The following SDCBP variants were observed in gnomAD, a reference collection of about 807,000 sequenced individuals.
SDCBP encodes syntenin-1.
In SDCBP, 22 loss-of-function variants were observed where a neutral mutation model predicts 30.5. That is an observed-to-expected ratio of 0.72 (90% CI 0.52 to 1.03). The LOEUF (loss-of-function observed/expected upper bound fraction) is 1.03. Among genes scored for constraint, SDCBP ranks in the 50% least tolerant of loss-of-function variants. The pLI is 0.00. For synonymous variants in SDCBP, 103 were observed against 118.7 expected (o/e 0.87, Z 0.86); for missense variants, 304 against 369.9 (o/e 0.82, Z 1.46).
At chr8:58,562,291 A>T (rs917850241) in intron 1 of SDCBP, among the ~76,000 whole-genome samples, 1 of 152,052 alleles carries the variant, frequency 6.6e-6, no homozygotes, top group Admixed American at 6.5e-5. Context: ...TTTATAAGAG[A>T]CTCACTTCAG....
In SDCBP at chr8:58,570,736, T is replaced by C; in HGVS notation, c.52-151T>C. On this transcript the variant is annotated intron_variant, in intron 2 of 8. Transcript: ENST00000260130. The stretch of plus-strand genomic sequence containing the variant: ...TGATTTGCAGATTTCCTTTGGAAAA[T>C]GTATTGCTGATGTGTTTGAAATTAA... 5.3e-6 allele frequency: 3 copies of C among 562,968 alleles called. No homozygotes were observed. The South Asian group carries it at 8.1e-5, about 15-fold the overall frequency. 34.9% of individuals were successfully genotyped at this position (562,968 alleles called of 1,614,324 possible).
intron 1 of SDCBP, chr8:58,561,469 GAAC>G (rs1804440112): frequency 4.0e-6 from 1 of 248,572 alleles, no homozygotes; most frequent in Non-Finnish European, 7.7e-6. Flanking sequence ...AGCAGGATAA[GAAC>G]AACTTGTCAT....
intron 1 of SDCBP, among the ~76,000 whole-genome samples, chr8:58,554,490 A>T (rs944156003): frequency 6.6e-6 from 1 of 152,232 alleles, no homozygotes; most frequent in Non-Finnish European, 1.5e-5. Context: ...GCACAGAATA[A>T]AAAGAAGTAG....
At chr8:58,572,389 G>T in intron 4 of SDCBP, 75 bp downstream of exon 4, 3 of 985,946 alleles carry the variant, frequency 3.0e-6, no homozygotes, top group Non-Finnish European at 4.8e-6. Flanking sequence ...CCTCTTTGTG[G>T]CTAACTCACA....
intron 2 of SDCBP, 121 bp downstream of exon 2, chr8:58,565,205 C>A: frequency 2.3e-6 from 1 of 443,716 alleles, no homozygotes; most frequent in Non-Finnish European, 4.0e-6. Context: ...CTTCATAAAC[C>A]TTTTTTTAGT....
chr8:58,563,202 A>G (rs922668226), intron 1 of SDCBP, among the ~76,000 whole-genome samples: 3 of 152,248 alleles, frequency 2.0e-5, no homozygotes, highest in Non-Finnish European at 4.4e-5. Flanking sequence ...TCAGCTGATG[A>G]CAGCATAAAT....
At chr8:58,561,379 A>G (rs12676593) in intron 1 of SDCBP, 49,216 of 156,264 alleles carry the variant, frequency 0.31, 7,959 homozygotes, top group East Asian at 0.56. Context: ...CAAGAAGCCA[A>G]ATGGACTCCA....
intron 1 of SDCBP, among the ~76,000 whole-genome samples, chr8:58,555,654 C>T (rs1804059259): frequency 6.6e-6 from 1 of 152,022 alleles, no homozygotes; most frequent in Non-Finnish European, 1.5e-5. Context: ...TGGAAGACTG[C>T]TTAGGATATA....
At chr8:58,574,073 A>C (rs1286510613) in intron 4 of SDCBP, among the ~76,000 whole-genome samples, 1 of 152,174 alleles carries the variant, frequency 6.6e-6, no homozygotes, top group Non-Finnish European at 1.5e-5. Flanking sequence ...TATAAAAATC[A>C]TTTTTAACTC....
rs1194911063 is a variant in SDCBP, at chr8:58,567,006, A to T, written c.51+1922A>T. 1.3e-5 allele frequency among the ~76,000 whole-genome samples: 2 copies of T among 152,208 alleles called. 1 individual carries two copies. On this transcript the variant is annotated intron_variant, in intron 2 of 8. Coordinates refer to ENST00000260130, the MANE Select transcript of SDCBP (RefSeq NM_005625.4). ...ATAATGATATACAGAACCAGAGCTT[A>T]TCAGTTTCCTAATATGGTGGGCAGA... is the stretch of plus-strand genomic sequence containing the variant.
intron 4 of SDCBP, among the ~76,000 whole-genome samples, chr8:58,574,539 C>G (rs1458576441): frequency 6.6e-6 from 1 of 152,078 alleles, no homozygotes; most frequent in Non-Finnish European, 1.5e-5. Context: ...GTCTGCATCT[C>G]CAGGGTTCTT....
chr8:58,558,617 G>A (rs141743393), intron 1 of SDCBP, among the ~76,000 whole-genome samples: 1 of 152,170 alleles, frequency 6.6e-6, no homozygotes, highest in African/African-American at 2.4e-5. Flanking sequence ...TGTTTATGCT[G>A]TGTAAATAAA....
At chr8:58,559,289 A>C (rs182576298) in intron 1 of SDCBP, among the ~76,000 whole-genome samples, 1 of 152,306 alleles carries the variant, frequency 6.6e-6, no homozygotes, top group East Asian at 1.9e-4. Context: ...CAAAAATAGA[A>C]ATAATATTAG....
intron 4 of SDCBP, among the ~76,000 whole-genome samples, chr8:58,575,027 C>T (rs1805244672): frequency 6.6e-6 from 1 of 152,134 alleles, no homozygotes; most frequent in Non-Finnish European, 1.5e-5. Context: ...ATTCTTTGCC[C>T]TGCCCAACCC....
chr8:58,568,804 T>C (rs1036473835), intron 2 of SDCBP, among the ~76,000 whole-genome samples: 2 of 152,216 alleles, frequency 1.3e-5, no homozygotes, highest in Non-Finnish European at 2.9e-5. Context: ...TTAGACAGAA[T>C]AGGTTCACTG....
intron 4 of SDCBP, among the ~76,000 whole-genome samples, chr8:58,575,123 A>T (rs1192692976): frequency 1.3e-5 from 2 of 152,126 alleles, no homozygotes; most frequent in Admixed American, 1.3e-4. Flanking sequence ...CCCAGACAGT[A>T]CTTGTCTTTC....
At chr8:58,561,737 T>C (rs1339591227) in intron 1 of SDCBP, 2 of 681,752 alleles carry the variant, frequency 2.9e-6, no homozygotes, top group Non-Finnish European at 5.3e-6. Context: ...AACATGAAAG[T>C]ATAAAATTAA....
intron 8 of SDCBP, 34 bp downstream of exon 8, chr8:58,580,642 G>T (rs377471776): frequency 6.1e-5 from 66 of 1,078,264 alleles, no homozygotes; most frequent in Non-Finnish European, 2.9e-5. Context: ...AATGCATATG[G>T]TCATGTGACT....
Position 58,578,773 on chromosome 8 carries a change from C to G in SDCBP, c.578+565C>G, listed in dbSNP as rs146133140. 6.9e-3 allele frequency among the ~76,000 whole-genome samples: 1,054 copies of G among 152,280 alleles called. 7 individuals carry two copies. The highest frequency in any genetic ancestry group is 0.01 in the Middle Eastern group (3 of 294). On this transcript the variant is annotated intron_variant, in intron 6 of 8. Coordinates refer to ENST00000260130, the MANE Select transcript of SDCBP (RefSeq NM_005625.4). The stretch of plus-strand genomic sequence containing the variant: ...AGGGTAGACGTATATTGCATTGTTA[C>G]AGTAAGCTTTGAGTTTTTGTTCCTT...
Sources: allele counts gnomAD v4.1 joint callset (sites outside exome capture counted in the v4.1 genomes callset), GRCh38; gene constraint gnomAD v4.1.1; transcripts MANE v1.5; gene names NCBI Gene and HGNC (gene_info 2026-07-23, HGNC 2026-07-21).